The following ASTN2 variants were observed in gnomAD, a reference collection of about 807,000 sequenced individuals.
ASTN2 encodes the protein astrotactin-2.
In ASTN2, 54 loss-of-function variants were observed where a neutral mutation model predicts 139.8. The observed-to-expected ratio is 0.39, with a 90% CI of 0.31 to 0.48. The LOEUF is 0.48. Among genes scored for constraint, ASTN2 ranks in the 20% least tolerant of loss-of-function variants. The probability of loss-of-function intolerance (pLI) is 0.95; values close to 1 mark genes in which losing one functional copy is unlikely to be tolerated. For synonymous variants in ASTN2, 756 were observed against 719.5 expected (o/e 1.05, Z -0.81); for missense variants, 1,565 against 1,725.1 (o/e 0.91, Z 1.64).
chr9:117,004,146 G>A (rs1837289597), intron 7 of ASTN2, among the ~76,000 whole-genome samples: 1 of 151,952 alleles, frequency 6.6e-6, no homozygotes, highest in Non-Finnish European at 1.5e-5. Context: ...TTGGGACAAG[G>A]TCTCACTCTG....
intron 16 of ASTN2, among the ~76,000 whole-genome samples, chr9:116,706,849 C>A (rs1314175596): frequency 6.8e-6 from 1 of 146,836 alleles, no homozygotes; most frequent in Non-Finnish European, 1.5e-5. Context: ...TGAGCCTTAC[C>A]AAGCTTCTGT....
At chr9:116,783,072 C>G (rs957725741) in intron 13 of ASTN2, among the ~76,000 whole-genome samples, 1 of 152,096 alleles carries the variant, frequency 6.6e-6, no homozygotes, top group African/African-American at 2.4e-5. Flanking sequence ...CTAGACTGTC[C>G]TAGTAAAACT....
intron 1 of ASTN2, among the ~76,000 whole-genome samples, chr9:117,388,702 C>T (rs1480675916): frequency 6.6e-6 from 1 of 152,204 alleles, no homozygotes; most frequent in Admixed American, 6.5e-5. Flanking sequence ...TCTTCAACCA[C>T]AGCCTGTGAC....
chr9:116,729,506 C>T (rs534854193), intron 14 of ASTN2, among the ~76,000 whole-genome samples: 1 of 152,298 alleles, frequency 6.6e-6, no homozygotes, highest in East Asian at 1.9e-4. Flanking sequence ...TGGGAGCCCT[C>T]TGGTAACCTA....
At chr9:116,579,473 C>T (rs73524200) in intron 19 of ASTN2, among the ~76,000 whole-genome samples, 1,698 of 152,292 alleles carry the variant, frequency 0.011, 28 homozygotes, top group African/African-American at 0.039. Flanking sequence ...ACCACCCCTC[C>T]GAAGCCTACA....
Position 117,141,403 on chromosome 9 carries a change from G to C in ASTN2, c.1091C>G (p.Pro364Arg). ...TGGTTGCAGCTGACCGATCTCGATG[G>C]GCGTGTTAGCGCGGAAACTCTCCTT... The part of the protein sequence containing the change: ...KFKESFRANT[P>R]IEIGQLQPPL... Residue 364 changes from proline (P) to arginine (R), a missense_variant, in exon 4 of 23, where the codon CCC becomes CGC. Pro to Arg is a moderately radical substitution (Grantham distance 103, BLOSUM62 -2). This residue lies in a region of ASTN2 where 596 missense variants were observed against 576.8 expected (regional missense o/e 1.03). Coordinates refer to ENST00000313400, the MANE Select transcript of ASTN2 (RefSeq NM_001365068.1). 1 of 1,367,550 alleles carries C rather than the reference G, an allele frequency of 7.3e-7. No homozygotes were observed. Among genetic ancestry groups the C allele is most frequent in the Non-Finnish European group, 9.8e-7 (1 of 1,021,834 alleles). The allele number at this position is 1,367,550 out of a possible 1,614,324, so 84.7% of individuals were successfully genotyped here.
intron 2 of ASTN2, among the ~76,000 whole-genome samples, chr9:117,276,628 G>T (rs1564121405): frequency 6.6e-6 from 1 of 152,192 alleles, no homozygotes; most frequent in Non-Finnish European, 1.5e-5. Context: ...GGTGTCCATG[G>T]GGAAAGCCCG....
intron 10 of ASTN2, among the ~76,000 whole-genome samples, chr9:116,911,732 G>A (rs144087244): frequency 3.9e-5 from 6 of 152,124 alleles, no homozygotes; most frequent in East Asian, 1.9e-4. Context: ...GTGAAACCCC[G>A]TCCTACTAAA....
At chr9:117,136,035 C>T (rs1459385466) in intron 4 of ASTN2, among the ~76,000 whole-genome samples, 1 of 152,154 alleles carries the variant, frequency 6.6e-6, no homozygotes, top group African/African-American at 2.4e-5. Context: ...GCCCTTCATC[C>T]TATTGGTTCT....
intron 3 of ASTN2, among the ~76,000 whole-genome samples, chr9:117,168,666 T>A (rs1321474913): frequency 6.6e-6 from 1 of 152,154 alleles, no homozygotes; most frequent in Non-Finnish European, 1.5e-5. Flanking sequence ...TCAGGTTTAG[T>A]ATAAAGCCTT....
At chr9:117,351,723 A>G (rs910285874) in intron 1 of ASTN2, among the ~76,000 whole-genome samples, 2 of 150,092 alleles carry the variant, frequency 1.3e-5, no homozygotes, top group African/African-American at 4.9e-5. Context: ...GTAATAAAGG[A>G]AAAAGTTCAC....
chr9:117,240,110 C>A (rs1368141146), intron 2 of ASTN2, among the ~76,000 whole-genome samples: 1 of 152,102 alleles, frequency 6.6e-6, no homozygotes. Flanking sequence ...TAGTTTCATA[C>A]TTTTTTAAAA....
intron 1 of ASTN2, among the ~76,000 whole-genome samples, chr9:117,403,381 CTG>C (rs1416023237): frequency 6.6e-6 from 1 of 152,214 alleles, no homozygotes; most frequent in Non-Finnish European, 1.5e-5. Context: ...GAATGGAGCT[CTG>C]TCCATTTGGA....
At chr9:116,963,515 C>T (rs1442084937) in intron 10 of ASTN2, among the ~76,000 whole-genome samples, 1 of 152,040 alleles carries the variant, frequency 6.6e-6, no homozygotes, top group Non-Finnish European at 1.5e-5. Flanking sequence ...ACAGCCATGG[C>T]CCAATTGGTA....
At chr9:116,843,362 A>T (rs887955117) in intron 11 of ASTN2, among the ~76,000 whole-genome samples, 4 of 152,208 alleles carry the variant, frequency 2.6e-5, no homozygotes, top group Non-Finnish European at 5.9e-5. Flanking sequence ...GTTCTCACTT[A>T]TAAGTGGGAG....
chr9:117,072,083 T>A (rs1828152000), intron 5 of ASTN2, among the ~76,000 whole-genome samples: 1 of 152,198 alleles, frequency 6.6e-6, no homozygotes, highest in African/African-American at 2.4e-5. Context: ...GCACAGGTAG[T>A]AAGTCACATT....
intron 2 of ASTN2, among the ~76,000 whole-genome samples, chr9:117,254,004 C>T (rs1351526339): frequency 2.0e-5 from 3 of 152,100 alleles, no homozygotes; most frequent in African/African-American, 7.2e-5. Flanking sequence ...AACAGCATCC[C>T]GACAGGCTGG....
rs1828514929 is a variant in ASTN2 at position 117,326,277 on chromosome 9, T to C, written c.443-34764A>G. On this transcript the variant is annotated intron_variant, in intron 1 of 22. Coordinates refer to ENST00000313400, the MANE Select transcript of ASTN2 (RefSeq NM_001365068.1). ...TCTCTAATTTTAGTCCAGTGCCTTTTTTATAGACATGGAAATGAAATAAGT... is the reference window on the plus strand; with the variant it reads ...TCTCTAATTTTAGTCCAGTGCCTTTCTTATAGACATGGAAATGAAATAAGT... Among the ~76,000 whole-genome samples, 4 of 152,174 alleles carry C rather than the reference T, an allele frequency of 2.6e-5. No individual in the cohort carries two copies. In the South Asian group the frequency reaches 8.3e-4, roughly 32 times the overall value.
intron 20 of ASTN2, among the ~76,000 whole-genome samples, chr9:116,486,035 T>C (rs1284297671): frequency 6.6e-6 from 1 of 152,230 alleles, no homozygotes; most frequent in Non-Finnish European, 1.5e-5. Context: ...GTTTCTTGTT[T>C]AATTATCACA....
Sources: gnomAD v4.1 joint callset for allele counts (sites outside exome capture counted in the v4.1 genomes callset) on GRCh38, gnomAD v4.1.1 for gene constraint, gnomAD v4.1.1 regional missense constraint, MANE v1.5 for transcripts, NCBI Gene and HGNC (gene_info 2026-07-23, HGNC 2026-07-21) for gene names.